The following EYS variants were observed in gnomAD, a reference collection of about 807,000 sequenced individuals.
EYS encodes protein eyes shut homolog.
Under a neutral mutation model 282.1 loss-of-function variants are expected in EYS, and 250 were observed. That is an observed-to-expected ratio of 0.89 (90% CI 0.80 to 0.98). The LOEUF (loss-of-function observed/expected upper bound fraction) is 0.98. Among genes scored for constraint, EYS ranks in the 50% least tolerant of loss-of-function variants. The probability of loss-of-function intolerance (pLI) is 0.00; values close to 1 mark genes in which losing one functional copy is unlikely to be tolerated. For missense variants in EYS, 4,016 were observed against 3,709.0 expected (o/e 1.08, Z -2.15); for synonymous variants, 1,355 against 1,282.9 (o/e 1.06, Z -1.20).
At chr6:65,318,611 AAT>A (rs1283319572) in intron 11 of EYS, among the ~76,000 whole-genome samples, 3 of 147,506 alleles carry the variant, frequency 2.0e-5, no homozygotes, top group South Asian at 4.2e-4. Context: ...TATGTAATAT[AAT>A]ATATATAAAA....
At chr6:63,966,412 A>G (rs1766311462) in intron 35 of EYS, among the ~76,000 whole-genome samples, 2 of 152,186 alleles carry the variant, frequency 1.3e-5, no homozygotes, top group Admixed American at 6.6e-5. Flanking sequence ...GGTGCAGTGT[A>G]TACTGCTCAG....
chr6:65,389,939 G>T (rs1765950711), intron 7 of EYS, among the ~76,000 whole-genome samples: 1 of 151,958 alleles, frequency 6.6e-6, no homozygotes, highest in South Asian at 2.1e-4. Context: ...ACCTGCAGGG[G>T]GTACTAGACA....
chr6:64,880,467 G>A (rs915045878), intron 19 of EYS, among the ~76,000 whole-genome samples: 2 of 151,476 alleles, frequency 1.3e-5, no homozygotes, highest in African/African-American at 4.8e-5. Flanking sequence ...ATCTTTATAT[G>A]TAATTAAGTG....
At chr6:64,162,225 A>G (rs1775128596) in intron 31 of EYS, among the ~76,000 whole-genome samples, 1 of 152,190 alleles carries the variant, frequency 6.6e-6, no homozygotes, top group Non-Finnish European at 1.5e-5. Flanking sequence ...CAGTCAGAAC[A>G]CAAAAATCTC....
intron 31 of EYS, among the ~76,000 whole-genome samples, chr6:64,118,764 A>G (rs1773474042): frequency 6.6e-6 from 1 of 152,140 alleles, no homozygotes; most frequent in African/African-American, 2.4e-5. Context: ...AGAAGGAGAG[A>G]AAATATTTGC....
intron 12 of EYS, among the ~76,000 whole-genome samples, chr6:65,257,468 C>A: frequency 7.2e-6 from 1 of 138,028 alleles, no homozygotes; most frequent in Admixed American, 7.1e-5. Flanking sequence ...GGAAGGGATC[C>A]AGTTTCAGCT....
At chr6:65,675,000 G>GT (rs547692905) in intron 1 of EYS, among the ~76,000 whole-genome samples, 1 of 152,044 alleles carries the variant, frequency 6.6e-6, no homozygotes, top group East Asian at 1.9e-4. Flanking sequence ...AATATGTAAA[G>GT]TTTTTTGTAT....
chr6:65,057,160 T>C (rs1437414923), intron 13 of EYS, among the ~76,000 whole-genome samples: 1 of 151,974 alleles, frequency 6.6e-6, no homozygotes, highest in Non-Finnish European at 1.5e-5. Flanking sequence ...ATTTGTTTAG[T>C]TTATGGAGAA....
intron 12 of EYS, among the ~76,000 whole-genome samples, chr6:65,207,562 A>T (rs1422237346): frequency 6.6e-6 from 1 of 151,896 alleles, no homozygotes; most frequent in Non-Finnish European, 1.5e-5. Flanking sequence ...AAGAGCCTAA[A>T]TAGCAAAAAC....
At chr6:63,812,938 A>T (rs1771086365) in intron 36 of EYS, among the ~76,000 whole-genome samples, 1 of 152,160 alleles carries the variant, frequency 6.6e-6, no homozygotes, top group African/African-American at 2.4e-5. Flanking sequence ...ACATACTGAA[A>T]ATCAAGGCAT....
At chr6:64,203,343 G>A (rs971846217) in intron 31 of EYS, among the ~76,000 whole-genome samples, 2 of 152,174 alleles carry the variant, frequency 1.3e-5, no homozygotes, top group Admixed American at 6.6e-5. Flanking sequence ...TCTGTTTGGT[G>A]GTGGGCATTA....
intron 12 of EYS, among the ~76,000 whole-genome samples, chr6:65,248,053 G>T (rs888654017): frequency 2.0e-5 from 3 of 151,872 alleles, no homozygotes; most frequent in Admixed American, 1.3e-4. Flanking sequence ...TTATTTAAAA[G>T]AAAGAAAAGC....
chr6:64,437,747 C>CT (rs35427540), intron 27 of EYS, among the ~76,000 whole-genome samples: 41,039 of 145,640 alleles, frequency 0.28, 5,696 homozygotes, highest in East Asian at 0.46. Context: ...CTTTTTTTTC[C>CT]TTTTTTTTTT....
intron 35 of EYS, among the ~76,000 whole-genome samples, chr6:63,947,429 C>A (rs72872895): frequency 1.3e-5 from 2 of 151,928 alleles, no homozygotes; most frequent in Admixed American, 6.6e-5. Flanking sequence ...ATTATTACTC[C>A]TTAAAAATGA....
intron 13 of EYS, among the ~76,000 whole-genome samples, chr6:65,012,556 T>G (rs953188349): frequency 6.6e-6 from 1 of 152,012 alleles, no homozygotes; most frequent in Non-Finnish European, 1.5e-5. Context: ...ACACAAAGAC[T>G]TAGGATAAGG....
intron 22 of EYS, among the ~76,000 whole-genome samples, chr6:64,640,905 C>A (rs1032203984): frequency 6.6e-6 from 1 of 152,136 alleles, no homozygotes; most frequent in Admixed American, 6.5e-5. Context: ...CTAAGGTCAG[C>A]TGCCCTATTC....
At position 64,004,690 on chromosome 6, in the gene EYS, TC is replaced by T. The variant is rs1768260857; in HGVS notation, c.6726-5508del. 2.0e-5 allele frequency among the ~76,000 whole-genome samples: 3 copies of T among 152,292 alleles called. No homozygotes were observed. The South Asian group carries it at 6.2e-4, about 32-fold the overall frequency. ...TTGAGCTAAGCACTTAATATTTACC[TC>T]CCACTTGTAAACGAGATTGTGTGGT... On this transcript the variant is annotated intron_variant, in intron 33 of 42. Transcript: ENST00000503581.
chr6:64,698,263 C>T (rs1770655463), intron 22 of EYS, among the ~76,000 whole-genome samples: 1 of 151,906 alleles, frequency 6.6e-6, no homozygotes, highest in South Asian at 2.1e-4. Flanking sequence ...CTGCCATTAC[C>T]TCAATGAACT....
At chr6:64,485,383 A>G (rs571044716) in intron 26 of EYS, among the ~76,000 whole-genome samples, 1 of 151,780 alleles carries the variant, frequency 6.6e-6, no homozygotes, top group East Asian at 1.9e-4. Flanking sequence ...TAATTCTCCA[A>G]CTGAAAGAAA....
Sources: gnomAD v4.1 joint callset for allele counts (sites outside exome capture counted in the v4.1 genomes callset) on GRCh38, gnomAD v4.1.1 for gene constraint, MANE v1.5 for transcripts, NCBI Gene and HGNC (gene_info 2026-07-23, HGNC 2026-07-21) for gene names.